Variants in EHMT1 observed in about 807,000 individuals in gnomAD.
EHMT1 encodes the protein histone-lysine N-methyltransferase EHMT1.
EHMT1 carries 15 observed loss-of-function variants against 147.2 expected under a neutral mutation model. The ratio of observed to expected loss-of-function variants is 0.10; its 90% CI spans 0.07 to 0.16. The LOEUF is 0.16. Ranked by LOEUF, EHMT1 falls within the 10% of genes least tolerant of loss-of-function variation. The probability of loss-of-function intolerance (pLI) is 1.00; values close to 1 mark genes in which losing one functional copy is unlikely to be tolerated. For synonymous variants in EHMT1, 795 were observed against 709.6 expected (o/e 1.12, Z -1.91); for missense variants, 1,587 against 1,772.4 (o/e 0.90, Z 1.88).
At chr9:137,632,743 C>T (rs1459637414) in intron 1 of EHMT1, among the ~76,000 whole-genome samples, 1 of 152,146 alleles carries the variant, frequency 6.6e-6, no homozygotes, top group East Asian at 1.9e-4. Context: ...AGCCACTGTG[C>T]CCGGCCTAGA....
chr9:137,757,564 A>G (rs934160549), intron 8 of EHMT1, among the ~76,000 whole-genome samples: 5 of 152,188 alleles, frequency 3.3e-5, no homozygotes, highest in Non-Finnish European at 4.4e-5. Context: ...TGATCATTTG[A>G]TAGCTTTTAT....
chr9:137,791,392 TAACAA>T (rs1952515007), intron 16 of EHMT1, among the ~76,000 whole-genome samples: 1 of 152,092 alleles, frequency 6.6e-6, no homozygotes, highest in South Asian at 2.1e-4. Flanking sequence ...TATTGTAAGC[TAACAA>T]AACCAATTCA....
rs371937933 is a variant in EHMT1 at position 137,798,815 on chromosome 9, C to T, written c.2508C>T (p.Asp836=). Residue 836 remains aspartate (D), a splice_region_variant and synonymous_variant, in exon 17 of 27, where the codon GAC becomes GAT. Transcript: ENST00000460843. The part of the protein sequence containing the change: ...IKAGALVDPK[D]AEGSTCLHLA... ...ACTAAGTGGCATTTCTGTTGCAGGA[C>T]GCAGAGGGCTCTACGTGTTTGCACC... is the stretch of plus-strand genomic sequence containing the variant. 39 of 1,613,782 alleles carry T rather than the reference C, an allele frequency of 2.4e-5. No individual in the cohort carries two copies. Among genetic ancestry groups the T allele is most frequent in the Middle Eastern group, 1.7e-4 (1 of 6,058 alleles).
At chr9:137,679,302 G>C (rs956058531) in intron 1 of EHMT1, among the ~76,000 whole-genome samples, 2 of 152,092 alleles carry the variant, frequency 1.3e-5, no homozygotes, top group Non-Finnish European at 2.9e-5. Flanking sequence ...GACTGTGGTT[G>C]ACTGTGGGTA....
chr9:137,757,923 G>A lies in EHMT1; in HGVS notation c.1413G>A (p.Thr471=), dbSNP rs772982687. 2.0e-5 allele frequency: 33 copies of A among 1,613,932 alleles called. No individual in the cohort carries two copies. The highest frequency in any genetic ancestry group is 1.9e-4 in the South Asian group (17 of 91,080). Residue 471 remains threonine, a synonymous_variant, in exon 9 of 27, where the codon ACG becomes ACA. Coordinates refer to ENST00000460843, the MANE Select transcript of EHMT1 (RefSeq NM_024757.5). The part of the protein sequence containing the change: ...YKSSAGSAEQ[T]APGDSTGYME... ...CATCTGCAGGAAGCGCTGAGCAGAC[G>A]GCACCAGGAGACAGCACAGGGTACA...
At chr9:137,715,892 C>T (rs746998735) in intron 2 of EHMT1, 82 of 943,788 alleles carry the variant, frequency 8.7e-5, no homozygotes, top group Admixed American at 1.2e-4. Flanking sequence ...AACCAACTAA[C>T]GTTCAACGTT....
intron 3 of EHMT1, 43 bp downstream of exon 3, chr9:137,717,225 T>C: frequency 6.9e-6 from 11 of 1,603,802 alleles, no homozygotes; most frequent in Non-Finnish European, 8.5e-6. Flanking sequence ...TTCCCATCTC[T>C]TTTGTTTTAA....
At chr9:137,794,852 C>T (rs1017310704) in intron 16 of EHMT1, among the ~76,000 whole-genome samples, 4 of 152,000 alleles carry the variant, frequency 2.6e-5, no homozygotes, top group Non-Finnish European at 4.4e-5. Context: ...CAAACATGTT[C>T]GGGTAAAAAA....
Position 137,691,309 on chromosome 9 carries a change from T to TTATATATA in EHMT1, c.22-19649_22-19642dup, listed in dbSNP as rs543280328. Among the ~76,000 whole-genome samples, 1,460 of 147,546 alleles carry TTATATATA rather than the reference T, an allele frequency of 9.9e-3. 26 individuals carry two copies. The highest frequency in any genetic ancestry group is 0.034 in the African/African-American group (1,367 of 39,982). On this transcript the variant is annotated intron_variant, in intron 1 of 26. Coordinates refer to ENST00000460843, the MANE Select transcript of EHMT1 (RefSeq NM_024757.5). ...TTAAGGCTGAATAGTATATATGTAA[T>TTATATATA]TATATATATATATATAAAATATATT...
chr9:137,809,185 CG>C (rs1954201961), intron 18 of EHMT1, among the ~76,000 whole-genome samples: 4 of 152,164 alleles, frequency 2.6e-5, no homozygotes. Context: ...AAGCCCATGC[CG>C]GGGGCTGGCC....
chr9:137,788,232 C>T (rs893626925), intron 15 of EHMT1: 8 of 508,382 alleles, frequency 1.6e-5, no homozygotes, highest in African/African-American at 7.7e-5. Flanking sequence ...ATGCTCCTCC[C>T]TGGAGTCCCC....
chr9:137,712,599 C>G (rs915554262), intron 2 of EHMT1, among the ~76,000 whole-genome samples: 7 of 152,156 alleles, frequency 4.6e-5, no homozygotes, highest in African/African-American at 1.7e-4. Context: ...GGAGAAATAT[C>G]TCTTCTCCTG....
Position 137,814,457 on chromosome 9 carries a change from C to T in EHMT1, c.3207C>T (p.Ser1069=), listed in dbSNP as rs756663753. Residue 1069 remains serine (S), a synonymous_variant, in exon 22 of 27, where the codon TCC becomes TCT. Coordinates refer to ENST00000460843, the MANE Select transcript of EHMT1 (RefSeq NM_024757.5). ...ACTGCGTGTGCATCGACGACTGCTC[C>T]TCCAGCAACTGCATGTGCGGCCAGC... ...LQYCVCIDDC[S]SSNCMCGQLS... 4.3e-6 allele frequency: 7 copies of T among 1,610,484 alleles called. No homozygotes were observed. Among genetic ancestry groups the T allele is most frequent in the Admixed American group, 3.3e-5 (2 of 60,006 alleles).
intron 25 of EHMT1, among the ~76,000 whole-genome samples, chr9:137,830,111 TG>T (rs138088940): frequency 0.11 from 16,759 of 151,482 alleles, 3,049 homozygotes; most frequent in African/African-American, 0.39. Flanking sequence ...TTTTTTTTTT[TG>T]TTTACATTTT....
At chr9:137,725,300 T>G (rs937999829) in intron 3 of EHMT1, among the ~76,000 whole-genome samples, 1 of 150,824 alleles carries the variant, frequency 6.6e-6, no homozygotes, top group Non-Finnish European at 1.5e-5. Flanking sequence ...GGCCTTCGTG[T>G]GGCAGACATG....
intron 1 of EHMT1, among the ~76,000 whole-genome samples, chr9:137,629,931 C>T (rs1446645305): frequency 2.6e-5 from 4 of 152,154 alleles, no homozygotes; most frequent in Admixed American, 2.0e-4. Context: ...TGTTTTGCTT[C>T]TCTTTAACTT....
In EHMT1 at chr9:137,800,864, T is replaced by C; in HGVS notation, c.2608-16T>C. The C allele has an allele frequency of 6.2e-7, 1 of 1,613,356 alleles. No homozygotes were observed. The highest frequency in any genetic ancestry group is 8.5e-7 in the Non-Finnish European group (1 of 1,179,350). On this transcript the variant is annotated splice_polypyrimidine_tract_variant and intron_variant, in intron 17 of 26. Coordinates refer to ENST00000460843, the MANE Select transcript of EHMT1 (RefSeq NM_024757.5). The stretch of plus-strand genomic sequence containing the variant: ...GGTCTCTGGAGCGATGACAGCTTTG[T>C]CCTCTTCCCTGGCAGGATGACGGAG...
At chr9:137,682,660 G>A (rs1025447509) in intron 1 of EHMT1, among the ~76,000 whole-genome samples, 3 of 152,226 alleles carry the variant, frequency 2.0e-5, no homozygotes, top group Non-Finnish European at 4.4e-5. Context: ...CACATGACAA[G>A]GAGCTTGGAG....
In EHMT1 at chr9:137,812,966, C is replaced by T. The variant is rs1954616362; in HGVS notation, c.2868-40C>T. On this transcript the variant is annotated intron_variant, in intron 19 of 26. Coordinates refer to ENST00000460843, the MANE Select transcript of EHMT1 (RefSeq NM_024757.5). ...TCTCATCTGTATCACATTTTCAAGT[C>T]AGCTTTAAATGTTTTGTGGCCTTAC... The T allele has an allele frequency of 4.3e-6, 7 of 1,611,346 alleles. No individual in the cohort carries two copies. In the South Asian group the frequency reaches 6.6e-5, roughly 15 times the overall value.
Sources: gnomAD v4.1 joint callset for allele counts (sites outside exome capture counted in the v4.1 genomes callset) on GRCh38, gnomAD v4.1.1 for gene constraint, MANE v1.5 for transcripts, NCBI Gene and HGNC (gene_info 2026-07-23, HGNC 2026-07-21) for gene names.